The following MISP variants were observed in gnomAD, a reference collection of about 807,000 sequenced individuals.
MISP encodes the protein mitotic spindle positioning, also known as mitotic interactor and substrate of PLK1.
A neutral mutation model predicts 49.3 loss-of-function variants in MISP; 51 were observed. The ratio of observed to expected loss-of-function variants is 1.03; its 90% CI spans 0.83 to 1.31. MISP has a LOEUF of 1.31. Among genes scored for constraint, MISP ranks in the 50% most tolerant of loss-of-function variants. MISP has a pLI of 0.00. For synonymous variants in MISP, 444 were observed against 392.6 expected, an observed-to-expected ratio of 1.13 and a Z score of -1.55; for missense variants, 1,084 against 935.1, an observed-to-expected ratio of 1.16 and a Z score of -2.08.
Position 761,673 on chromosome 19 carries a change from C to T in MISP, c.1950+10C>T. 1.2e-6 allele frequency: 2 copies of T among 1,614,054 alleles called. No homozygotes were observed. The highest frequency in any genetic ancestry group is 1.7e-6 in the Non-Finnish European group (2 of 1,179,934). On this transcript the variant is annotated intron_variant, in intron 4 of 4. Coordinates refer to ENST00000215582, the MANE Select transcript of MISP (RefSeq NM_173481.4). ...CGGTATCAACTCAGAGGTGAGTATG[C>T]TCCTGGGCACGAAGACTCAAGTCTT...
At chr19:754,485 G>A (rs930263377) in intron 1 of MISP, among the ~76,000 whole-genome samples, 3 of 152,054 alleles carry the variant, frequency 2.0e-5, no homozygotes, top group African/African-American at 7.2e-5. Context: ...AAATTAGCCG[G>A]GTGTGGGGGC....
chr19:763,898 C>G lies in MISP; in HGVS notation c.*308C>G, dbSNP rs568651546. On this transcript the variant is annotated 3_prime_UTR_variant, in exon 5 of 5. Transcript: ENST00000215582. Reference sequence around the variant, plus strand: ...CCTGGGTCTAAGAAAGAAAGAGACCCGCTCCTCCACTTTCAGGTGTAATTT... The same window carrying G: ...CCTGGGTCTAAGAAAGAAAGAGACCGGCTCCTCCACTTTCAGGTGTAATTT... 3.3e-5 allele frequency: 11 copies of G among 332,366 alleles called. No individual in the cohort carries two copies. In the South Asian group the frequency reaches 4.3e-4, roughly 13 times the overall value. The allele number at this position is 332,366 out of a possible 1,614,324, so 20.6% of individuals were successfully genotyped here.
intron 4 of MISP, among the ~76,000 whole-genome samples, chr19:762,154 G>A (rs1421336883): frequency 5.4e-5 from 8 of 149,380 alleles, no homozygotes; most frequent in African/African-American, 7.4e-5. Flanking sequence ...GGGTTTCACC[G>A]TGTTAGCCAG....
At chr19:762,473 G>A (rs1485685140) in intron 4 of MISP, among the ~76,000 whole-genome samples, 10 of 150,998 alleles carry the variant, frequency 6.6e-5, no homozygotes, top group Admixed American at 1.3e-4. Flanking sequence ...GGATGGTCTC[G>A]AACTCCTGAC....
Position 758,428 on chromosome 19 carries a change from C to A in MISP, c.1482C>A (p.Ala494=). Residue 494 remains alanine, a synonymous_variant, in exon 2 of 5, where the codon GCC becomes GCA. Transcript: ENST00000215582. ...ASKPPRGCPQ[A]NRGVVRWEYF... is the part of the protein sequence containing the mutation. ...AGCCCCCTCGGGGATGCCCGCAAGC[C>A]AACAGGGGTGTCGTGCGGTGGGAGT... The A allele has an allele frequency of 1.2e-6, 2 of 1,614,214 alleles. No homozygotes were observed. Among genetic ancestry groups the A allele is most frequent in the South Asian group, 2.2e-5 (2 of 91,088 alleles).
At chr19:758,807 G>A in intron 2 of MISP, 81 bp downstream of exon 2, 1 of 1,263,720 alleles carries the variant, frequency 7.9e-7, no homozygotes. Context: ...GGTGGAGTTT[G>A]AGGCTGTCAA....
At position 757,598 on chromosome 19, in the gene MISP, G is replaced by C; in HGVS notation, c.652G>C (p.Gly218Arg). 1 of 1,612,748 alleles carries C rather than the reference G, an allele frequency of 6.2e-7. No individual in the cohort carries two copies. Among genetic ancestry groups the C allele is most frequent in the African/African-American group, 1.3e-5 (1 of 75,046 alleles). ...GGCCCCTCATAGCTCCCCGGCCAGG[G>C]GGACCCCTGCAGGCACAACCCCAGG... Reference protein sequence around the residue: ...KGAPHSSPARGTPAGTTPGAS... With the variant: ...KGAPHSSPARRTPAGTTPGAS... Residue 218 changes from glycine to arginine, a missense_variant, in exon 2 of 5, where the codon GGG becomes CGG. Transcript: ENST00000215582.
intron 2 of MISP, among the ~76,000 whole-genome samples, chr19:758,934 C>A (rs1422095129): frequency 2.0e-5 from 3 of 152,144 alleles, no homozygotes; most frequent in Non-Finnish European, 4.4e-5. Context: ...TACCTTAGGG[C>A]TTTTGCTTTA....
chr19:750,567 G>A (rs1394826513), upstream of MISP, among the ~76,000 whole-genome samples: 1 of 152,150 alleles, frequency 6.6e-6, no homozygotes, highest in African/African-American at 2.4e-5. Context: ...GGGAGCCCGG[G>A]CGTGATGTTC....
At chr19:753,936 C>T (rs2033502492) in intron 1 of MISP, among the ~76,000 whole-genome samples, 1 of 152,176 alleles carries the variant, frequency 6.6e-6, no homozygotes, top group South Asian at 2.1e-4. Flanking sequence ...GCCCCTGTGC[C>T]CAGCCGACAG....
At position 764,265 on chromosome 19, in the gene MISP, G is replaced by T. The variant is rs1053380140; in HGVS notation, c.*675G>T. 1 of 152,292 alleles carries T rather than the reference G, an allele frequency of 6.6e-6. No homozygotes were observed. Among genetic ancestry groups the T allele is most frequent in the Non-Finnish European group, 1.5e-5 (1 of 68,130 alleles). 9.4% of individuals were successfully genotyped at this position (152,292 alleles called of 1,614,324 possible). A position where few individuals can be genotyped will look rare whatever the true frequency, so the allele number is the denominator to read the frequency against. ...TGACCCAGTTTAGGAGCTGGAGGGG[G>T]GTCTTTGTCCCCCACCCCCAAACTG... On this transcript the variant is annotated 3_prime_UTR_variant, in exon 5 of 5. Coordinates refer to ENST00000215582, the MANE Select transcript of MISP (RefSeq NM_173481.4).
intron 1 of MISP, among the ~76,000 whole-genome samples, chr19:756,397 G>A (rs1471134818): frequency 6.6e-6 from 1 of 152,152 alleles, no homozygotes; most frequent in Non-Finnish European, 1.5e-5. Context: ...AATCACAGAG[G>A]CCAGTGGGTG....
chr19:749,524 A>G (rs2033426896), upstream of MISP, among the ~76,000 whole-genome samples: 1 of 151,900 alleles, frequency 6.6e-6, no homozygotes, highest in Non-Finnish European at 1.5e-5. Context: ...CTTTATCCAG[A>G]TTTGTCCTTA....
chr19:756,765 C>T (rs2033556331), intron 1 of MISP, 125 bp from the exon 2 acceptor site: 2 of 597,740 alleles, frequency 3.3e-6, no homozygotes, highest in Admixed American at 6.1e-5. Context: ...GACTGTGTCA[C>T]TTACCCATCC....
In MISP at chr19:763,766, CGTTTCT is replaced by C; in HGVS notation, c.*177_*182del. 3.5e-6 allele frequency: 2 copies of C among 577,608 alleles called. No individual in the cohort carries two copies. Among genetic ancestry groups the C allele is most frequent in the Non-Finnish European group, 6.2e-6 (2 of 324,208 alleles). The allele number at this position is 577,608 out of a possible 1,614,324, so 35.8% of individuals were successfully genotyped here. On this transcript the variant is annotated 3_prime_UTR_variant, in exon 5 of 5. Coordinates refer to ENST00000215582, the MANE Select transcript of MISP (RefSeq NM_173481.4). ...TTGGGACTGTTGGGTTTTTCGTTTC[CGTTTCT>C]ATCTTCCTTTAGAAATGTTTCTGCC... is the stretch of plus-strand genomic sequence containing the variant.
chr19:759,720 T>A (rs1448458097), intron 2 of MISP, among the ~76,000 whole-genome samples, 189 bp from the exon 3 acceptor site: 1 of 152,156 alleles, frequency 6.6e-6, no homozygotes, highest in Non-Finnish European at 1.5e-5. Context: ...TTCTTCACCT[T>A]GCATGTCGGC....
chr19:749,877 G>A (rs887386712), upstream of MISP, among the ~76,000 whole-genome samples: 12 of 151,918 alleles, frequency 7.9e-5, no homozygotes, highest in Admixed American at 7.2e-4. Flanking sequence ...TGCTGGATTC[G>A]TAGCTGGGGG....
chr19:758,475 G>A lies in MISP; in HGVS notation c.1529G>A (p.Arg510Gln), dbSNP rs574929500. ...GAGTACTTCCGCCTGCGTCCTCTGC[G>A]GTTCAGGGCCCCAGACGAGCCCCAG... ...RWEYFRLRPL[R>Q]FRAPDEPQQA... is the part of the protein sequence containing the mutation. The change falls in exon 2 of 5, where the codon CGG becomes CAG. Residue 510 changes from arginine to glutamine, a missense_variant. Physicochemically the swap from Arg to Gln is conservative, Grantham distance 43 (BLOSUM62 1). Transcript: ENST00000215582. 46 of 1,614,108 alleles carry A rather than the reference G, an allele frequency of 2.8e-5. No homozygotes were observed. In the East Asian group the frequency reaches 7.8e-4, roughly 27 times the overall value.
rs755591299 is a variant in MISP, at chr19:756,910, C to T, written c.-37C>T. 18 of 1,471,244 alleles carry T rather than the reference C, an allele frequency of 1.2e-5. No individual in the cohort carries two copies. The highest frequency in any genetic ancestry group is 1.6e-5 in the Non-Finnish European group (18 of 1,102,276). The allele number at this position is 1,471,244 out of a possible 1,614,324, so 91.1% of individuals were successfully genotyped here. On this transcript the variant is annotated 5_prime_UTR_variant, in exon 2 of 5. Transcript: ENST00000215582. Reference sequence around the variant, plus strand: ...CTCAGTAAGCCCAGAGGTCTCCACCCCACGGGAGGAAGGCTGAGGCCAAGA... The same window carrying T: ...CTCAGTAAGCCCAGAGGTCTCCACCTCACGGGAGGAAGGCTGAGGCCAAGA...
Sources: gnomAD v4.1 joint callset for allele counts (sites outside exome capture counted in the v4.1 genomes callset) on GRCh38, gnomAD v4.1.1 for gene constraint, MANE v1.5 for transcripts, NCBI Gene and HGNC (gene_info 2026-07-23, HGNC 2026-07-21) for gene names.